Variants in SMARCC1 observed in about 807,000 individuals in gnomAD.
SMARCC1 encodes SWI/SNF complex subunit SMARCC1.
A neutral mutation model predicts 147.4 loss-of-function variants in SMARCC1; 43 were observed. The ratio of observed to expected loss-of-function variants is 0.29; its 90% CI spans 0.23 to 0.38. SMARCC1 has a LOEUF of 0.38. SMARCC1 is among the 10% of genes least tolerant of loss of function. The pLI is 1.00. For synonymous variants in SMARCC1, 495 were observed against 484.4 expected (o/e 1.02, Z -0.29); for missense variants, 1,119 against 1,381.1 (o/e 0.81, Z 3.01).
chr3:47,627,209 A>G (rs1424844535), intron 24 of SMARCC1, among the ~76,000 whole-genome samples: 2 of 152,100 alleles, frequency 1.3e-5, no homozygotes, highest in Admixed American at 1.3e-4. Context: ...AAGGGCTTTA[A>G]GAAAACCATC....
chr3:47,673,211 TTC>T (rs2033523906), intron 18 of SMARCC1, among the ~76,000 whole-genome samples: 1 of 151,150 alleles, frequency 6.6e-6, no homozygotes, highest in Non-Finnish European at 1.5e-5. Context: ...CAGTGAGATG[TTC>T]TCTCTTTAAA....
intron 21 of SMARCC1, among the ~76,000 whole-genome samples, chr3:47,648,144 G>A (rs1464965462): frequency 2.6e-5 from 4 of 151,900 alleles, no homozygotes; most frequent in Non-Finnish European, 5.9e-5. Flanking sequence ...ACAGGGATGC[G>A]CCACCACACC....
intron 5 of SMARCC1, among the ~76,000 whole-genome samples, chr3:47,733,978 T>C (rs750820607): frequency 4.0e-5 from 6 of 149,592 alleles, no homozygotes; most frequent in Non-Finnish European, 4.5e-5. Context: ...TACGTGTGTG[T>C]ATATATATAC....
At chr3:47,738,640 C>T (rs879791223) in intron 3 of SMARCC1, among the ~76,000 whole-genome samples, 10 of 151,740 alleles carry the variant, frequency 6.6e-5, no homozygotes, top group Non-Finnish European at 1.3e-4. Flanking sequence ...GCCGGGATCA[C>T]GCCACTGCAC....
At chr3:47,751,626 G>A (rs998877389) in intron 2 of SMARCC1, among the ~76,000 whole-genome samples, 18 of 152,082 alleles carry the variant, frequency 1.2e-4, no homozygotes, top group Non-Finnish European at 1.3e-4. Context: ...CAGCACTTTG[G>A]GAGGCCACAG....
intron 11 of SMARCC1, 27 bp from the exon 12 acceptor site, chr3:47,693,327 T>C (rs1348544414): frequency 3.0e-6 from 4 of 1,334,096 alleles, no homozygotes; most frequent in Non-Finnish European, 3.2e-6. Context: ...AAGAGTTATG[T>C]TTATGTGGGA....
At chr3:47,621,235 G>T (rs1450954171) in intron 25 of SMARCC1, among the ~76,000 whole-genome samples, 1 of 151,532 alleles carries the variant, frequency 6.6e-6, no homozygotes, top group Non-Finnish European at 1.5e-5. Flanking sequence ...AGGAGGCAGA[G>T]GTTGCAGTGA....
chr3:47,692,973 G>T (rs2033808335), intron 12 of SMARCC1, among the ~76,000 whole-genome samples: 1 of 152,024 alleles, frequency 6.6e-6, no homozygotes. Flanking sequence ...AGCCCTGGGT[G>T]ACAGAGTGAG....
chr3:47,586,335 G>A lies in SMARCC1; in HGVS notation c.*1874C>T. 1 of 152,216 alleles carries A rather than the reference G, an allele frequency of 6.6e-6. No homozygotes were observed. 9.4% of individuals were successfully genotyped at this position (152,216 alleles called of 1,614,324 possible). ...GAATGAGTTTCCTTTGGGAAAGACT[G>A]GCAGGAAGTAGGTAAAACCCTGGCC... On this transcript the variant is annotated 3_prime_UTR_variant, in exon 28 of 28. Transcript: ENST00000254480.
chr3:47,707,887 A>G (rs965222545), intron 9 of SMARCC1, among the ~76,000 whole-genome samples: 5 of 152,118 alleles, frequency 3.3e-5, no homozygotes, highest in Non-Finnish European at 5.9e-5. Flanking sequence ...TCATGCTAAA[A>G]TGAAAAAATC....
intron 25 of SMARCC1, among the ~76,000 whole-genome samples, chr3:47,613,406 C>T (rs1353729999): frequency 1.4e-5 from 2 of 143,484 alleles, no homozygotes; most frequent in Admixed American, 7.1e-5. Context: ...TTTTTTGAGA[C>T]GGAGTCTTGC....
At chr3:47,737,722 C>G (rs1366434139) in intron 4 of SMARCC1, among the ~76,000 whole-genome samples, 1 of 152,064 alleles carries the variant, frequency 6.6e-6, no homozygotes, top group Non-Finnish European at 1.5e-5. Flanking sequence ...GGGGCGCAAT[C>G]TCGGCTCACT....
At chr3:47,760,820 T>G (rs2034764740) in intron 2 of SMARCC1, among the ~76,000 whole-genome samples, 1 of 152,082 alleles carries the variant, frequency 6.6e-6, no homozygotes, top group African/African-American at 2.4e-5. Flanking sequence ...AGTGAGACCC[T>G]ATCTCTATCA....
chr3:47,779,945 T>C (rs568024017), intron 1 of SMARCC1, among the ~76,000 whole-genome samples: 3 of 152,294 alleles, frequency 2.0e-5, no homozygotes, highest in East Asian at 3.9e-4. Flanking sequence ...CTCTATTACT[T>C]ACATTTAAAA....
intron 1 of SMARCC1, among the ~76,000 whole-genome samples, chr3:47,775,164 C>CTT (rs756039956): frequency 6.5e-5 from 9 of 138,754 alleles, no homozygotes; most frequent in African/African-American, 7.9e-5. Flanking sequence ...CAACATAGTA[C>CTT]TTTTTTTTTT....
chr3:47,714,603 G>A lies in SMARCC1; in HGVS notation c.717-113C>T, dbSNP rs377606344. ...GAAATACTACTAAAATCCCAGCCTG[G>A]TCAACATGGTGAAACTGCGTCTCTA... On this transcript the variant is annotated intron_variant, in intron 7 of 27. Transcript: ENST00000254480. 132 of 620,976 alleles carry A rather than the reference G, an allele frequency of 2.1e-4. No individual in the cohort carries two copies. In the East Asian group the frequency reaches 3.4e-3, roughly 16 times the overall value. 38.5% of individuals were successfully genotyped at this position (620,976 alleles called of 1,614,324 possible).
chr3:47,650,687 A>C (rs1220512772), intron 21 of SMARCC1, among the ~76,000 whole-genome samples: 1 of 152,004 alleles, frequency 6.6e-6, no homozygotes, highest in Non-Finnish European at 1.5e-5. Context: ...ATGGTGGTGC[A>C]CACCTGTAGT....
chr3:47,645,300 A>G (rs955601786), intron 21 of SMARCC1, among the ~76,000 whole-genome samples: 10 of 151,156 alleles, frequency 6.6e-5, no homozygotes, highest in African/African-American at 2.4e-4. Flanking sequence ...CCCCCACCAA[A>G]AAAAAAAAAA....
intron 2 of SMARCC1, among the ~76,000 whole-genome samples, chr3:47,765,860 G>C (rs2034833975): frequency 6.6e-6 from 1 of 151,906 alleles, no homozygotes; most frequent in Non-Finnish European, 1.5e-5. Context: ...AGCCTCCCGA[G>C]CAGCTGGGAT....
Sources: allele counts gnomAD v4.1 joint callset (sites outside exome capture counted in the v4.1 genomes callset), GRCh38; gene constraint gnomAD v4.1.1; transcripts MANE v1.5; gene names NCBI Gene and HGNC (gene_info 2026-07-23, HGNC 2026-07-21).